The following PTPN12 variants were observed in gnomAD, a reference collection of about 807,000 sequenced individuals.
PTPN12 encodes the protein tyrosine-protein phosphatase non-receptor type 12.
A neutral mutation model predicts 97.6 loss-of-function variants in PTPN12; 29 were observed. That is an observed-to-expected ratio of 0.30 (90% CI 0.22 to 0.41). The LOEUF (loss-of-function observed/expected upper bound fraction) is 0.41, where lower values mean the gene tolerates loss of function less well. Among genes scored for constraint, PTPN12 ranks in the 10% least tolerant of loss-of-function variants. The pLI is 1.00. For synonymous variants in PTPN12, 327 were observed against 300.4 expected, an observed-to-expected ratio of 1.09 and a Z score of -0.91; for missense variants, 819 against 926.0, an observed-to-expected ratio of 0.88 and a Z score of 1.50.
intron 1 of PTPN12, among the ~76,000 whole-genome samples, chr7:77,548,529 G>C (rs1015054100): frequency 1.3e-5 from 2 of 152,154 alleles, no homozygotes; most frequent in Non-Finnish European, 2.9e-5. Context: ...TACAGGTCTT[G>C]CCATAGAAAG....
At chr7:77,594,750 C>A (rs1393348237) in intron 6 of PTPN12, among the ~76,000 whole-genome samples, 2 of 152,120 alleles carry the variant, frequency 1.3e-5, no homozygotes, top group African/African-American at 4.8e-5. Flanking sequence ...GCAGTTTGCC[C>A]GCCTTGGCCT....
chr7:77,625,563 C>CTTTTTTTTTTTT (rs761274993), intron 12 of PTPN12, among the ~76,000 whole-genome samples: 3 of 27,774 alleles, frequency 1.1e-4, no homozygotes, highest in African/African-American at 2.3e-4. Flanking sequence ...CGCTCTCTCT[C>CTTTTTTTTTTTT]TCTTTTTTTT....
chr7:77,597,946 G>A, intron 7 of PTPN12, 45 bp downstream of exon 7: 1 of 1,596,850 alleles, frequency 6.3e-7, no homozygotes, highest in Non-Finnish European at 8.5e-7. Flanking sequence ...ATAGTTTTCA[G>A]GCTGGGTGCA....
At chr7:77,581,586 T>C in intron 3 of PTPN12, 83 bp downstream of exon 3, 1 of 683,024 alleles carries the variant, frequency 1.5e-6, no homozygotes, top group Non-Finnish European at 2.4e-6. Flanking sequence ...TTTGAATTGC[T>C]CAAACATGAT....
chr7:77,581,035 G>A (rs1562726185), intron 2 of PTPN12, among the ~76,000 whole-genome samples: 1 of 141,092 alleles, frequency 7.1e-6, no homozygotes, highest in African/African-American at 2.6e-5. Context: ...TGGTGGTGGT[G>A]TTTTTTTGTT....
At chr7:77,541,280 CAG>C (rs1806961714) in intron 1 of PTPN12, among the ~76,000 whole-genome samples, 1 of 151,978 alleles carries the variant, frequency 6.6e-6, no homozygotes. Flanking sequence ...TTTGTAGAGA[CAG>C]GGTTTCCCCA....
intron 11 of PTPN12, among the ~76,000 whole-genome samples, 177 bp from the exon 12 acceptor site, chr7:77,618,303 A>G (rs527981073): frequency 6.6e-6 from 1 of 151,902 alleles, no homozygotes; most frequent in African/African-American, 2.4e-5. Flanking sequence ...CAATCTCTCC[A>G]TTGAAGTCTG....
intron 9 of PTPN12, among the ~76,000 whole-genome samples, chr7:77,609,361 T>A (rs112029703): frequency 0.24 from 35,408 of 145,854 alleles, 4,518 homozygotes; most frequent in Non-Finnish European, 0.28. Flanking sequence ...AACCTCTGAC[T>A]CTCAGGTTCA....
At chr7:77,571,694 ATTTTATTT>A (rs1319898110) in intron 2 of PTPN12, among the ~76,000 whole-genome samples, 1 of 112,210 alleles carries the variant, frequency 8.9e-6, no homozygotes, top group Non-Finnish European at 1.8e-5. Context: ...TTCTAATGAT[ATTTTATTT>A]ATTTATTTAT....
At chr7:77,626,061 G>A (rs762613472) in intron 12 of PTPN12, among the ~76,000 whole-genome samples, 6 of 152,116 alleles carry the variant, frequency 3.9e-5, no homozygotes, top group Non-Finnish European at 8.8e-5. Context: ...TACTAACAAG[G>A]ATGTCTGTGG....
chr7:77,628,775 T>G (rs1355663798), intron 13 of PTPN12, among the ~76,000 whole-genome samples: 2 of 152,078 alleles, frequency 1.3e-5, no homozygotes, highest in Non-Finnish European at 2.9e-5. Flanking sequence ...TGGCCTCAAG[T>G]GATCTGCCCA....
At chr7:77,601,403 T>G (rs1449763082) in intron 8 of PTPN12, among the ~76,000 whole-genome samples, 3 of 152,162 alleles carry the variant, frequency 2.0e-5, no homozygotes, top group African/African-American at 7.2e-5. Context: ...CAAGTCTTGC[T>G]CTGTTGCCCA....
At chr7:77,608,061 C>T (rs1279726442) in intron 9 of PTPN12, among the ~76,000 whole-genome samples, 1 of 152,142 alleles carries the variant, frequency 6.6e-6, no homozygotes. Flanking sequence ...GGCCCATTGC[C>T]TTTTATGTTT....
intron 1 of PTPN12, among the ~76,000 whole-genome samples, chr7:77,543,790 C>T (rs533428217): frequency 6.6e-6 from 1 of 152,244 alleles, no homozygotes; most frequent in South Asian, 2.1e-4. Flanking sequence ...GTGACTGACT[C>T]CACCTAACAT....
chr7:77,626,802 C>T lies in PTPN12; in HGVS notation c.1123C>T (p.Pro375Ser), dbSNP rs1789202845. 5.6e-6 allele frequency: 9 copies of T among 1,614,070 alleles called. No homozygotes were observed. Among genetic ancestry groups the T allele is most frequent in the Non-Finnish European group, 7.6e-6 (9 of 1,179,972 alleles). Residue 375 changes from proline to serine, a missense_variant, in exon 13 of 18, where the codon CCA (proline) becomes TCA (serine). By Grantham distance (74) the Pro-to-Ser change is moderately conservative. Around this residue, in one of 5 missense-constraint regions of PTPN12, gnomAD observed 607 missense variants for 577.3 expected, o/e 1.05. Transcript: ENST00000248594. ...ILTPSPPSAF[P>S]TVTTVWQDND... The stretch of plus-strand genomic sequence containing the variant: ...GACACCTTCTCCCCCTTCAGCTTTT[C>T]CAACAGTCACTACTGTGTGGCAGGA...
intron 2 of PTPN12, among the ~76,000 whole-genome samples, chr7:77,574,412 C>CT (rs1188285723): frequency 6.6e-6 from 1 of 152,180 alleles, no homozygotes; most frequent in Non-Finnish European, 1.5e-5. Flanking sequence ...AAACAGGAAA[C>CT]TGAGACAGAG....
In PTPN12 at chr7:77,574,722, A is replaced by G. The variant is rs553499977; in HGVS notation, c.208+3536A>G. ...TTGAGAGACCTTGTCCAAGAGCTTG[A>G]GTTCTTAATTACTGTGCAGTAATCA... is the stretch of plus-strand genomic sequence containing the variant. On this transcript the variant is annotated intron_variant, in intron 2 of 17. Coordinates refer to ENST00000248594, the MANE Select transcript of PTPN12 (RefSeq NM_002835.4). Among the ~76,000 whole-genome samples, 111 of 152,342 alleles carry G rather than the reference A, an allele frequency of 7.3e-4. 1 individual carries two copies. Among genetic ancestry groups the G allele is most frequent in the Non-Finnish European group, 1.4e-3 (95 of 68,030 alleles).
Position 77,610,626 on chromosome 7 carries a change from T to A in PTPN12, c.763-139T>A. 4.6e-6 allele frequency: 4 copies of A among 871,154 alleles called. No individual in the cohort carries two copies. In the East Asian group the frequency reaches 1.1e-4, roughly 24 times the overall value. The allele number at this position is 871,154 out of a possible 1,614,324, so 54.0% of individuals were successfully genotyped here. On this transcript the variant is annotated intron_variant, in intron 9 of 17. Coordinates refer to ENST00000248594, the MANE Select transcript of PTPN12 (RefSeq NM_002835.4). ...TGTTTCCACAGTGCCAAGCACAGTGTCTGAGATGCATTAAGTGGTGTTCAA... is the reference window on the plus strand; with the variant it reads ...TGTTTCCACAGTGCCAAGCACAGTGACTGAGATGCATTAAGTGGTGTTCAA...
intron 15 of PTPN12, chr7:77,636,687 A>G (rs1004361796): frequency 3.8e-5 from 7 of 184,490 alleles, no homozygotes; most frequent in Non-Finnish European, 7.9e-5. Context: ...TACATCTTAT[A>G]TTTGATTTTA....
Sources: gnomAD v4.1 joint callset for allele counts (sites outside exome capture counted in the v4.1 genomes callset) on GRCh38, gnomAD v4.1.1 for gene constraint, gnomAD v4.1.1 regional missense constraint, MANE v1.5 for transcripts, NCBI Gene and HGNC (gene_info 2026-07-23, HGNC 2026-07-21) for gene names.